The following XKR9 variants were observed in gnomAD, a reference collection of about 807,000 sequenced individuals.
XKR9 encodes the protein XK related 9, also known as XK-related protein 9.
Under a neutral mutation model 32.0 loss-of-function variants are expected in XKR9, and 32 were observed. The observed-to-expected ratio is 1.00, with a 90% CI of 0.76 to 1.34. The LOEUF is 1.34. XKR9 is among the 40% of genes most tolerant of loss of function. The pLI, the probability that XKR9 is intolerant of heterozygous loss-of-function variation, is 0.00. For missense variants in XKR9, 546 were observed against 429.7 expected (o/e 1.27, Z -2.39); for synonymous variants, 168 against 143.4 (o/e 1.17, Z -1.22).
the XKR9 span, among the ~76,000 whole-genome samples, chr8:70,988,542 A>G: frequency 6.6e-6 from 1 of 152,156 alleles, no homozygotes; most frequent in Non-Finnish European, 1.5e-5. Context: ...GCCACGATAC[A>G]TGCCACATGG....
the XKR9 span, among the ~76,000 whole-genome samples, chr8:70,905,232 TTC>T: frequency 6.6e-6 from 1 of 152,240 alleles, no homozygotes; most frequent in Non-Finnish European, 1.5e-5. Context: ...CTTGGTTCCA[TTC>T]TCTCTGTCAA....
chr8:70,818,338 C>CT, the XKR9 span, among the ~76,000 whole-genome samples: 1 of 151,944 alleles, frequency 6.6e-6, no homozygotes. Flanking sequence ...CATTATAGTG[C>CT]TTTATTTTTT....
At chr8:70,874,090 CTTT>C in the XKR9 span, among the ~76,000 whole-genome samples, 2 of 152,108 alleles carry the variant, frequency 1.3e-5, no homozygotes, top group South Asian at 4.1e-4. Context: ...GGTATGTACT[CTTT>C]TTTAAGACAT....
chr8:71,033,453 C>G, the XKR9 span, among the ~76,000 whole-genome samples: 1 of 152,188 alleles, frequency 6.6e-6, no homozygotes, highest in South Asian at 2.1e-4. Flanking sequence ...GCTCTCATCA[C>G]TGCTACATTG....
the XKR9 span, among the ~76,000 whole-genome samples, chr8:70,966,605 G>A: frequency 6.6e-6 from 1 of 152,092 alleles, no homozygotes; most frequent in Non-Finnish European, 1.5e-5. Context: ...TTTTGTTTTG[G>A]GTGGAGATTT....
the XKR9 span, among the ~76,000 whole-genome samples, chr8:70,883,485 T>C: frequency 6.6e-6 from 1 of 152,130 alleles, no homozygotes; most frequent in Admixed American, 6.5e-5. Context: ...TTCCTTTGGG[T>C]AGATACCCAG....
chr8:70,950,994 CCT>C, the XKR9 span, among the ~76,000 whole-genome samples: 1 of 152,048 alleles, frequency 6.6e-6, no homozygotes, highest in South Asian at 2.1e-4. Flanking sequence ...TTTTCTTGTT[CCT>C]CTCTCTCTTT....
intron 2 of XKR9, among the ~76,000 whole-genome samples, chr8:70,678,547 C>T (rs1286487296): frequency 3.3e-5 from 5 of 152,092 alleles, no homozygotes; most frequent in African/African-American, 1.2e-4. Flanking sequence ...TTAATTAGTT[C>T]AATTGAGCAG....
At chr8:70,898,526 T>C in the XKR9 span, among the ~76,000 whole-genome samples, 1 of 152,206 alleles carries the variant, frequency 6.6e-6, no homozygotes, top group Non-Finnish European at 1.5e-5. Flanking sequence ...TGTACTGTCA[T>C]TTTAATTCAG....
In XKR9 at chr8:70,751,601, A is replaced by G. The variant is rs181843020; in HGVS notation, n.353-37738A>G. On this transcript the variant is annotated intron_variant and non_coding_transcript_variant, in intron 2 of 3. Transcript: ENST00000520273. ...CAATATGGGTAGGTACCATACGATC[A>G]TTTGAGGGCCTGGATGGAACAAAAA... Among the ~76,000 whole-genome samples the G allele has an allele frequency of 1.7e-3, 258 of 152,314 alleles. 1 individual carries two copies. Among genetic ancestry groups the G allele is most frequent in the Middle Eastern group, 3.4e-3 (1 of 294 alleles).
intron 3 of XKR9, among the ~76,000 whole-genome samples, chr8:70,698,522 T>C (rs1476791010): frequency 6.6e-6 from 1 of 152,366 alleles, no homozygotes; most frequent in East Asian, 1.9e-4. Flanking sequence ...TCCTGAGTTC[T>C]AGTTTGATTG....
At chr8:70,823,089 TCA>T in the XKR9 span, among the ~76,000 whole-genome samples, 1 of 152,202 alleles carries the variant, frequency 6.6e-6, no homozygotes, top group East Asian at 1.9e-4. Flanking sequence ...TAAAAAGTGT[TCA>T]GTTTGCCTTC....
chr8:70,817,721 A>G, the XKR9 span, among the ~76,000 whole-genome samples: 1 of 152,190 alleles, frequency 6.6e-6, no homozygotes, highest in Non-Finnish European at 1.5e-5. Flanking sequence ...CAGATTTCAA[A>G]CGATACTACA....
At chr8:70,907,727 C>T in the XKR9 span, among the ~76,000 whole-genome samples, 2 of 152,236 alleles carry the variant, frequency 1.3e-5, no homozygotes, top group African/African-American at 4.8e-5. Context: ...AACATGACCT[C>T]TAACTTTATT....
chr8:70,780,681 C>T (rs1406767790), intron 2 of XKR9, among the ~76,000 whole-genome samples: 3 of 152,120 alleles, frequency 2.0e-5, no homozygotes, highest in African/African-American at 2.4e-5. Flanking sequence ...CTATGAGAGA[C>T]TAAGTTTCTG....
the XKR9 span, among the ~76,000 whole-genome samples, chr8:71,051,520 G>T: frequency 1.2e-5 from 1 of 80,054 alleles, no homozygotes; most frequent in Non-Finnish European, 2.7e-5. Context: ...TGGCGGTGGT[G>T]GTGGTGGGGT....
the XKR9 span, among the ~76,000 whole-genome samples, chr8:70,807,398 A>T: frequency 6.6e-6 from 1 of 152,194 alleles, no homozygotes; most frequent in African/African-American, 2.4e-5. Context: ...GATGGGATCA[A>T]ATTCACTCAT....
At chr8:71,003,312 A>C in the XKR9 span, among the ~76,000 whole-genome samples, 1 of 152,232 alleles carries the variant, frequency 6.6e-6, no homozygotes, top group Non-Finnish European at 1.5e-5. Context: ...GGGGGGAAAA[A>C]GCTTATGAAA....
chr8:70,764,692 T>C (rs1242061652), intron 2 of XKR9, among the ~76,000 whole-genome samples: 2 of 152,118 alleles, frequency 1.3e-5, no homozygotes, highest in Non-Finnish European at 2.9e-5. Context: ...GCTGCACCCA[T>C]CAAGCCGTCA....
Sources: allele counts gnomAD v4.1 joint callset (sites outside exome capture counted in the v4.1 genomes callset), GRCh38; gene constraint gnomAD v4.1.1; transcripts MANE v1.5; gene names NCBI Gene and HGNC (gene_info 2026-07-23, HGNC 2026-07-21).